ATP8A2: variants seen among roughly 807,000 people sequenced by gnomAD.
The protein encoded by ATP8A2 is ATPase phospholipid transporting 8A2.
A neutral mutation model predicts 165.6 loss-of-function variants in ATP8A2; 100 were observed. The ratio of observed to expected loss-of-function variants is 0.60; its 90% CI spans 0.51 to 0.71. ATP8A2 has a LOEUF of 0.71. Among genes scored for constraint, ATP8A2 ranks in the 30% least tolerant of loss-of-function variants. ATP8A2 has a pLI of 0.00. For synonymous variants in ATP8A2, 543 were observed against 548.8 expected, an observed-to-expected ratio of 0.99 and a Z score of 0.15; for missense variants, 1,227 against 1,479.5, an observed-to-expected ratio of 0.83 and a Z score of 2.80.
Position 25,851,538 on chromosome 13 carries a change from G to A in ATP8A2, c.2957-8657G>A, listed in dbSNP as rs1200830280. Among the ~76,000 whole-genome samples, 5 of 150,398 alleles carry A rather than the reference G, an allele frequency of 3.3e-5. No individual in the cohort carries two copies. The East Asian group carries it at 5.9e-4, about 18-fold the overall frequency. Reference sequence around the variant, plus strand: ...GCAGAGTTTGCAGCAAGCTGAGATCGCGCCACTGCACTCCAGCCTGGGTGA... The same window carrying A: ...GCAGAGTTTGCAGCAAGCTGAGATCACGCCACTGCACTCCAGCCTGGGTGA... On this transcript the variant is annotated intron_variant, in intron 30 of 36. Coordinates refer to ENST00000381655, the MANE Select transcript of ATP8A2 (RefSeq NM_016529.6).
intron 2 of ATP8A2, among the ~76,000 whole-genome samples, chr13:25,513,720 C>T (rs972806422): frequency 3.3e-5 from 5 of 152,106 alleles, no homozygotes; most frequent in Non-Finnish European, 5.9e-5. Flanking sequence ...CTCGGGAGGC[C>T]GAGGCTGGCG....
chr13:25,526,221 T>A (rs1030257085), intron 2 of ATP8A2, among the ~76,000 whole-genome samples: 1 of 152,206 alleles, frequency 6.6e-6, no homozygotes, highest in African/African-American at 2.4e-5. Flanking sequence ...ATCTTGAAAA[T>A]CACTGAGTTC....
At chr13:26,011,133 G>A (rs757496335) in intron 35 of ATP8A2, among the ~76,000 whole-genome samples, 3 of 152,156 alleles carry the variant, frequency 2.0e-5, no homozygotes, top group Non-Finnish European at 2.9e-5. Context: ...TCCCACAAAC[G>A]TAAGGGGGGT....
intron 36 of ATP8A2, among the ~76,000 whole-genome samples, chr13:26,015,932 G>A (rs1956961442): frequency 6.6e-6 from 1 of 152,206 alleles, no homozygotes; most frequent in Non-Finnish European, 1.5e-5. Context: ...ATTAGGCAGA[G>A]CTGGGGAGCA....
chr13:25,811,844 G>A (rs1242957535), intron 27 of ATP8A2, among the ~76,000 whole-genome samples: 1 of 152,200 alleles, frequency 6.6e-6, no homozygotes, highest in African/African-American at 2.4e-5. Context: ...CTGGGTGACA[G>A]AGCAAGACCC....
At chr13:25,532,220 T>G in intron 4 of ATP8A2, 52 bp from the exon 5 acceptor site, 2 of 1,405,740 alleles carry the variant, frequency 1.4e-6, no homozygotes, top group Non-Finnish European at 2.0e-6. Context: ...CTATTTCAAT[T>G]ATTCATGTGG....
intron 33 of ATP8A2, among the ~76,000 whole-genome samples, chr13:25,919,384 A>G (rs980354565): frequency 2.6e-5 from 4 of 152,150 alleles, no homozygotes; most frequent in East Asian, 1.9e-4. Flanking sequence ...TTATAACTGT[A>G]TTCAGATCTC....
intron 28 of ATP8A2, among the ~76,000 whole-genome samples, chr13:25,830,894 T>C (rs1410143326): frequency 6.6e-6 from 1 of 152,236 alleles, no homozygotes; most frequent in Non-Finnish European, 1.5e-5. Flanking sequence ...AACCGAAGTA[T>C]AATGATCAAA....
At chr13:25,458,469 C>T (rs746332577) in intron 1 of ATP8A2, among the ~76,000 whole-genome samples, 4 of 152,316 alleles carry the variant, frequency 2.6e-5, no homozygotes, top group Admixed American at 6.5e-5. Flanking sequence ...CCCGCCTCAG[C>T]GTCCTGAGTA....
intron 33 of ATP8A2, among the ~76,000 whole-genome samples, chr13:25,923,705 G>T (rs957114534): frequency 6.6e-6 from 1 of 151,448 alleles, no homozygotes; most frequent in Non-Finnish European, 1.5e-5. Flanking sequence ...AAAAAAAAAT[G>T]GACATGAAAG....
chr13:25,865,000 A>G (rs1190833825), intron 33 of ATP8A2, among the ~76,000 whole-genome samples: 2 of 152,222 alleles, frequency 1.3e-5, no homozygotes, highest in African/African-American at 2.4e-5. Context: ...ATGGCAGGGA[A>G]GTATTACAAA....
chr13:25,398,472 G>T (rs1822635104), intron 1 of ATP8A2, among the ~76,000 whole-genome samples: 1 of 152,136 alleles, frequency 6.6e-6, no homozygotes, highest in African/African-American at 2.4e-5. Context: ...CATTCAGTCG[G>T]TTGGGGAGCT....
At chr13:25,813,956 G>C (rs1330673092) in intron 27 of ATP8A2, among the ~76,000 whole-genome samples, 1 of 152,032 alleles carries the variant, frequency 6.6e-6, no homozygotes, top group Non-Finnish European at 1.5e-5. Flanking sequence ...TTTTTTCCCT[G>C]CCTTCAGACT....
chr13:25,739,737 A>T (rs1351674845), intron 25 of ATP8A2, among the ~76,000 whole-genome samples: 6 of 152,318 alleles, frequency 3.9e-5, no homozygotes, highest in Non-Finnish European at 8.8e-5. Flanking sequence ...TTGGCAGATG[A>T]TCCTGAATCA....
At chr13:25,856,914 C>G (rs1450412811) in intron 30 of ATP8A2, among the ~76,000 whole-genome samples, 2 of 152,224 alleles carry the variant, frequency 1.3e-5, no homozygotes, top group African/African-American at 4.8e-5. Context: ...ACAGTCATTT[C>G]TAAGCTGGCT....
intron 33 of ATP8A2, among the ~76,000 whole-genome samples, chr13:25,899,122 C>T (rs1271860281): frequency 6.6e-6 from 1 of 152,236 alleles, no homozygotes; most frequent in Non-Finnish European, 1.5e-5. Context: ...CTGTGTCGCT[C>T]ACTCTGGGAA....
chr13:25,532,677 A>AT (rs2038153122), intron 5 of ATP8A2, among the ~76,000 whole-genome samples: 1 of 151,224 alleles, frequency 6.6e-6, no homozygotes, highest in Admixed American at 6.6e-5. Context: ...TGTTTGTTTC[A>AT]TTTTTTGAGA....
At chr13:25,609,530 AT>A (rs1305313230) in intron 24 of ATP8A2, among the ~76,000 whole-genome samples, 1 of 147,428 alleles carries the variant, frequency 6.8e-6, no homozygotes, top group Non-Finnish European at 1.5e-5. Flanking sequence ...ATATATATAT[AT>A]TTGGGATTCA....
chr13:25,463,822 C>G (rs4770837), intron 1 of ATP8A2, among the ~76,000 whole-genome samples: 101,445 of 152,106 alleles, frequency 0.67, 34,410 homozygotes, highest in East Asian at 0.99. Context: ...GAGCTGCTGA[C>G]TGAGTGTCCC....
Sources: gnomAD v4.1 joint callset for allele counts (sites outside exome capture counted in the v4.1 genomes callset) on GRCh38, gnomAD v4.1.1 for gene constraint, MANE v1.5 for transcripts, NCBI Gene and HGNC (gene_info 2026-07-23, HGNC 2026-07-21) for gene names.